TMEM132C: variants seen among roughly 807,000 people sequenced by gnomAD.
TMEM132C encodes the protein transmembrane protein 132C.
In TMEM132C, 29 loss-of-function variants were observed where a neutral mutation model predicts 61.4. The observed-to-expected ratio is 0.47, with a 90% CI of 0.35 to 0.64. The LOEUF (loss-of-function observed/expected upper bound fraction) is 0.64. Among genes scored for constraint, TMEM132C ranks in the 30% least tolerant of loss-of-function variants. The pLI, the probability that TMEM132C is intolerant of heterozygous loss-of-function variation, is 0.00. For missense variants in TMEM132C, 1,408 were observed against 1,476.9 expected (o/e 0.95, Z 0.76); for synonymous variants, 656 against 633.1 (o/e 1.04, Z -0.54).
In TMEM132C at chr12:128,353,184, T is replaced by C. The variant is rs76931516; in HGVS notation, c.86-61548T>C. On this transcript the variant is annotated intron_variant, in intron 1 of 8. Transcript: ENST00000435159. ...CAGGAGGAAATAATTCAAACACTGC[T>C]AATCATCCATGTTTATCAACAGTGA... is the stretch of plus-strand genomic sequence containing the variant. Among the ~76,000 whole-genome samples, 567 of 152,310 alleles carry C rather than the reference T, an allele frequency of 3.7e-3. 2 individuals carry two copies. The highest frequency in any genetic ancestry group is 0.013 in the African/African-American group (538 of 41,568).
intron 3 of TMEM132C, among the ~76,000 whole-genome samples, chr12:128,547,003 G>A (rs1053550298): frequency 1.3e-5 from 2 of 152,178 alleles, no homozygotes; most frequent in South Asian, 2.1e-4. Flanking sequence ...TCAGGCCAGC[G>A]AGTGCACCTT....
chr12:128,667,923 G>A (rs1954494757), intron 4 of TMEM132C, among the ~76,000 whole-genome samples: 1 of 152,150 alleles, frequency 6.6e-6, no homozygotes, highest in South Asian at 2.1e-4. Flanking sequence ...TGATGGAATG[G>A]GCTCCCATGG....
chr12:128,317,271 A>T (rs542247662), intron 1 of TMEM132C, among the ~76,000 whole-genome samples: 1 of 152,258 alleles, frequency 6.6e-6, no homozygotes, highest in African/African-American at 2.4e-5. Flanking sequence ...CTGGGTTGCC[A>T]TGTGGTTATA....
intron 3 of TMEM132C, among the ~76,000 whole-genome samples, chr12:128,612,002 G>A (rs1532103): frequency 0.19 from 29,094 of 152,162 alleles, 2,796 homozygotes; most frequent in South Asian, 0.32. Flanking sequence ...TTTTAGAGAC[G>A]AAGAAGACAA....
At chr12:128,356,362 C>T (rs1593022839) in intron 1 of TMEM132C, among the ~76,000 whole-genome samples, 1 of 152,184 alleles carries the variant, frequency 6.6e-6, no homozygotes, top group East Asian at 1.9e-4. Flanking sequence ...GGCTCTGGCA[C>T]ACGAACCTAA....
intron 1 of TMEM132C, among the ~76,000 whole-genome samples, chr12:128,289,726 G>T (rs757496020): frequency 1.1e-4 from 17 of 152,134 alleles, no homozygotes; most frequent in Non-Finnish European, 2.4e-4. Context: ...GGTATCATCT[G>T]CACTTCCATT....
intron 1 of TMEM132C, among the ~76,000 whole-genome samples, chr12:128,297,427 G>A (rs1255380846): frequency 1.3e-5 from 2 of 152,216 alleles, no homozygotes; most frequent in South Asian, 2.1e-4. Flanking sequence ...TTGGTCATGC[G>A]TCTAAGTAAT....
chr12:128,618,212 A>G lies in TMEM132C; in HGVS notation c.1305+1877A>G, dbSNP rs1409678438. 2.6e-5 allele frequency among the ~76,000 whole-genome samples: 4 copies of G among 152,222 alleles called. No individual in the cohort carries two copies. In the East Asian group the frequency reaches 7.7e-4, roughly 29 times the overall value. On this transcript the variant is annotated intron_variant, in intron 4 of 8. Coordinates refer to ENST00000435159, the MANE Select transcript of TMEM132C (RefSeq NM_001136103.3). ...AAGACATTCAAATACTTTGAAAAGG[A>G]AAAGCCATCTTAAGAGTGTGAGATA...
chr12:128,621,999 C>T (rs764184839), intron 4 of TMEM132C, among the ~76,000 whole-genome samples: 15 of 152,190 alleles, frequency 9.9e-5, no homozygotes, highest in African/African-American at 2.2e-4. Context: ...AAATGCTGCA[C>T]GCTCCCTCTA....
At chr12:128,462,340 CAG>C (rs1357306207) in intron 2 of TMEM132C, among the ~76,000 whole-genome samples, 1 of 152,154 alleles carries the variant, frequency 6.6e-6, no homozygotes, top group Non-Finnish European at 1.5e-5. Context: ...CTCCCAACCT[CAG>C]GGGATCCGCT....
chr12:128,699,926 G>A (rs1176853454), intron 8 of TMEM132C, among the ~76,000 whole-genome samples: 3 of 152,210 alleles, frequency 2.0e-5, no homozygotes, highest in Admixed American at 2.0e-4. Flanking sequence ...TTTGGGGGCA[G>A]ATGGGCCAGG....
At chr12:128,322,179 C>A (rs1279533958) in intron 1 of TMEM132C, among the ~76,000 whole-genome samples, 3 of 152,348 alleles carry the variant, frequency 2.0e-5, no homozygotes, top group Non-Finnish European at 2.9e-5. Flanking sequence ...TCTTGGGTTG[C>A]TTGCCCTTGG....
At chr12:128,440,571 G>T (rs1242685906) in intron 2 of TMEM132C, among the ~76,000 whole-genome samples, 1 of 152,140 alleles carries the variant, frequency 6.6e-6, no homozygotes. Flanking sequence ...ATCCCCTCTT[G>T]CCAAGGAATA....
At chr12:128,368,201 G>A (rs990299548) in intron 1 of TMEM132C, among the ~76,000 whole-genome samples, 2 of 152,190 alleles carry the variant, frequency 1.3e-5, no homozygotes, top group Non-Finnish European at 2.9e-5. Flanking sequence ...TTTTATGAAG[G>A]CCACAGTCTG....
intron 2 of TMEM132C, among the ~76,000 whole-genome samples, chr12:128,422,080 A>G (rs1021480804): frequency 3.9e-5 from 6 of 152,212 alleles, no homozygotes; most frequent in African/African-American, 1.4e-4. Context: ...CAGAGAAAGC[A>G]TAGGCATTAT....
chr12:128,567,437 C>G lies in TMEM132C; in HGVS notation c.1121+23334C>G, dbSNP rs1325288682. Among the ~76,000 whole-genome samples the G allele has an allele frequency of 3.1e-5, 3 of 98,046 alleles. No individual in the cohort carries two copies. The African/African-American group carries it at 3.4e-4, about 11-fold the overall frequency. The allele number at this position is 98,046 out of a possible 152,430, so 64.3% of individuals were successfully genotyped here. A position where few individuals can be genotyped will look rare whatever the true frequency, so the allele number is the denominator to read the frequency against. On this transcript the variant is annotated intron_variant, in intron 3 of 8. Transcript: ENST00000435159. ...GTGTCCACATACCCATAGACACACA[C>G]ACACACACACACACACACACACACA... is the stretch of plus-strand genomic sequence containing the variant.
At position 128,409,116 on chromosome 12, in the gene TMEM132C, A is replaced by G. The variant is rs140730772; in HGVS notation, c.86-5616A>G. ...CTTTCTTGGGTTTTCAAAGTTAGCA[A>G]TTGCGGCAGTTGAAGTGTCTGGGTC... On this transcript the variant is annotated intron_variant, in intron 1 of 8. Transcript: ENST00000435159. 1.2e-3 allele frequency among the ~76,000 whole-genome samples: 188 copies of G among 152,316 alleles called. 1 individual carries two copies. The highest frequency in any genetic ancestry group is 3.9e-3 in the African/African-American group (162 of 41,562).
At chr12:128,562,744 G>A (rs1874567708) in intron 3 of TMEM132C, among the ~76,000 whole-genome samples, 1 of 152,194 alleles carries the variant, frequency 6.6e-6, no homozygotes, top group African/African-American at 2.4e-5. Context: ...TAACCATGGT[G>A]GGTGTAGATT....
rs148715342 is a variant in TMEM132C, at chr12:128,565,432, C to T, written c.1121+21329C>T. Among the ~76,000 whole-genome samples the T allele has an allele frequency of 3.2e-4, 49 of 152,330 alleles. No individual in the cohort carries two copies. The East Asian group carries it at 8.9e-3, about 28-fold the overall frequency. ...AACCACAGATTTTAGGGTAAACTTT[C>T]GCAGCAATGCATAACTCACAGTGTT... On this transcript the variant is annotated intron_variant, in intron 3 of 8. Transcript: ENST00000435159.
Sources: allele counts gnomAD v4.1 joint callset (sites outside exome capture counted in the v4.1 genomes callset), GRCh38; gene constraint gnomAD v4.1.1; transcripts MANE v1.5; gene names NCBI Gene and HGNC (gene_info 2026-07-23, HGNC 2026-07-21).